The following ABI3BP variants were observed in gnomAD, a reference collection of about 807,000 sequenced individuals.
ABI3BP encodes target of Nesh-SH3.
A neutral mutation model predicts 268.6 loss-of-function variants in ABI3BP; 216 were observed. That is an observed-to-expected ratio of 0.80 (90% CI 0.72 to 0.90). The LOEUF (loss-of-function observed/expected upper bound fraction) is 0.90. ABI3BP is among the 40% of genes least tolerant of loss of function. The pLI is 0.00. For missense variants in ABI3BP, 2,090 were observed against 2,182.4 expected, an observed-to-expected ratio of 0.96 and a Z score of 0.84; for synonymous variants, 730 against 730.0, an observed-to-expected ratio of 1.00 and a Z score of 0.00.
At chr3:100,865,081 C>T (rs999464243) in intron 10 of ABI3BP, among the ~76,000 whole-genome samples, 174 bp from the exon 11 acceptor site, 2 of 152,144 alleles carry the variant, frequency 1.3e-5, no homozygotes. Context: ...AGCTGACACT[C>T]CTCTCCAACT....
At position 100,749,646 on chromosome 3, in the gene ABI3BP, G is replaced by T. The variant is rs2095217117; in HGVS notation, c.*849C>A. 2.5e-6 allele frequency: 1 copy of T among 398,346 alleles called. No homozygotes were observed. The highest frequency in any genetic ancestry group is 1.3e-4 in the South Asian group (1 of 7,854). 24.7% of individuals were successfully genotyped at this position (398,346 alleles called of 1,614,324 possible). ...TAGTAAATATCCTATAAAATGGTAG[G>T]CAATCTCATCGTGCATTATCTTTTT... On this transcript the variant is annotated 3_prime_UTR_variant, in exon 68 of 68. Transcript: ENST00000471714.
intron 48 of ABI3BP, among the ~76,000 whole-genome samples, chr3:100,810,819 G>A (rs1232087071): frequency 6.6e-6 from 1 of 152,076 alleles, no homozygotes; most frequent in African/African-American, 2.4e-5. Context: ...CTTAAAGAAT[G>A]GAGAAGAAAA....
chr3:100,967,653 C>T (rs1425446725), intron 1 of ABI3BP, among the ~76,000 whole-genome samples: 1 of 152,072 alleles, frequency 6.6e-6, no homozygotes, highest in South Asian at 2.1e-4. Flanking sequence ...GTGATTTGCT[C>T]ATGCCTCTTT....
At chr3:100,891,381 A>T (rs74539415) in intron 4 of ABI3BP, among the ~76,000 whole-genome samples, 8,555 of 152,268 alleles carry the variant, frequency 0.056, 468 homozygotes, top group East Asian at 0.28. Flanking sequence ...ATATCAAAGC[A>T]ATGAGAAGGC....
intron 1 of ABI3BP, among the ~76,000 whole-genome samples, chr3:100,988,866 T>G (rs1186828282): frequency 6.6e-6 from 1 of 152,238 alleles, no homozygotes; most frequent in Non-Finnish European, 1.5e-5. Flanking sequence ...AAAGGTATAG[T>G]CATTTGCCAC....
chr3:100,822,658 G>A lies in ABI3BP; in HGVS notation c.2818C>T (p.Gln940Ter), dbSNP rs2098264971. ...ASTTLASKTS[Q>*]RTRRPRLRTK... ...CTGAGACGTGGACGACGTGTCCGTT[G>A]TGATGTTTTGGAAGCTGAAGGAAGA... Residue 940 changes from glutamine to a stop codon, truncating the protein, a stop_gained, in exon 38 of 68, where the codon CAA becomes TAA. Coordinates refer to ENST00000471714, the MANE Select transcript of ABI3BP (RefSeq NM_001375547.2). LOFTEE classifies it high-confidence loss of function. 6.5e-7 allele frequency: 1 copy of A among 1,536,418 alleles called. No individual in the cohort carries two copies.
At chr3:100,787,118 T>C (rs2097073617) in intron 57 of ABI3BP, among the ~76,000 whole-genome samples, 1 of 152,106 alleles carries the variant, frequency 6.6e-6, no homozygotes, top group African/African-American at 2.4e-5. Flanking sequence ...ATCCATGAAG[T>C]TGGGTGTTTG....
At chr3:100,908,728 C>A (rs2054753243) in intron 2 of ABI3BP, among the ~76,000 whole-genome samples, 1 of 152,144 alleles carries the variant, frequency 6.6e-6, no homozygotes, top group South Asian at 2.1e-4. Flanking sequence ...TCAAGGAGAA[C>A]TACAAACCAC....
chr3:100,931,781 A>C (rs1331197283), intron 1 of ABI3BP, among the ~76,000 whole-genome samples: 2 of 152,140 alleles, frequency 1.3e-5, no homozygotes, highest in Non-Finnish European at 2.9e-5. Flanking sequence ...CATACTGCCC[A>C]CAGCAATGTA....
chr3:100,834,586 C>G, intron 29 of ABI3BP, 98 bp downstream of exon 29: 1 of 1,175,578 alleles, frequency 8.5e-7, no homozygotes, highest in Admixed American at 2.0e-5. Flanking sequence ...GGCCTTCACC[C>G]CAAGGGTCAA....
chr3:100,977,004 A>G (rs2086568351), intron 1 of ABI3BP, among the ~76,000 whole-genome samples: 1 of 152,190 alleles, frequency 6.6e-6, no homozygotes, highest in Admixed American at 6.5e-5. Context: ...AATTTTTTTA[A>G]AGGGATAATT....
chr3:100,832,202 A>G (rs2098505375), intron 31 of ABI3BP, 62 bp downstream of exon 31: 1 of 1,449,520 alleles, frequency 6.9e-7, no homozygotes, highest in African/African-American at 1.4e-5. Context: ...ATGTACATAG[A>G]ACTTACAGTC....
chr3:100,892,456 A>C (rs1384233507), intron 4 of ABI3BP, among the ~76,000 whole-genome samples: 5 of 152,232 alleles, frequency 3.3e-5, no homozygotes, highest in African/African-American at 9.6e-5. Context: ...TATTCTTTTA[A>C]TAGTATAGAA....
chr3:100,894,829 CT>C (rs1486732300), intron 4 of ABI3BP, among the ~76,000 whole-genome samples: 2 of 150,240 alleles, frequency 1.3e-5, no homozygotes, highest in African/African-American at 4.9e-5. Context: ...GTCCCAGCTA[CT>C]CGGGAGGCTG....
intron 33 of ABI3BP, among the ~76,000 whole-genome samples, chr3:100,828,959 C>A (rs747108144): frequency 1.3e-5 from 2 of 152,096 alleles, no homozygotes; most frequent in African/African-American, 4.8e-5. Context: ...CCCCTTCTCA[C>A]TTAGCTGCAG....
intron 6 of ABI3BP, among the ~76,000 whole-genome samples, chr3:100,882,329 C>T (rs1188620839): frequency 6.6e-6 from 1 of 151,754 alleles, no homozygotes; most frequent in Non-Finnish European, 1.5e-5. Context: ...AACCACTTCT[C>T]AGAATCAATT....
intron 43 of ABI3BP, 158 bp downstream of exon 43, chr3:100,816,530 T>C: frequency 1.4e-6 from 1 of 726,722 alleles, no homozygotes; most frequent in South Asian, 1.5e-5. Flanking sequence ...TGGATAGCTC[T>C]GTACGAGAAG....
At chr3:100,855,683 G>A (rs2098931178) in intron 14 of ABI3BP, among the ~76,000 whole-genome samples, 1 of 152,160 alleles carries the variant, frequency 6.6e-6, no homozygotes, top group Middle Eastern at 3.2e-3. Context: ...GTGCACGTGT[G>A]TACACACAAA....
intron 2 of ABI3BP, among the ~76,000 whole-genome samples, chr3:100,912,459 T>G (rs2057081283): frequency 6.6e-6 from 1 of 152,112 alleles, no homozygotes; most frequent in South Asian, 2.1e-4. Context: ...GAAAATGCTT[T>G]AGAATTTGAT....
Sources: allele counts gnomAD v4.1 joint callset (sites outside exome capture counted in the v4.1 genomes callset), GRCh38; gene constraint gnomAD v4.1.1; transcripts MANE v1.5; gene names NCBI Gene and HGNC (gene_info 2026-07-23, HGNC 2026-07-21).